The following RNF157 variants were observed in gnomAD, a reference collection of about 807,000 sequenced individuals.
The protein encoded by RNF157 is ring finger protein 157, also known as E3 ubiquitin ligase RNF157.
Under a neutral mutation model 88.3 loss-of-function variants are expected in RNF157, and 55 were observed. The ratio of observed to expected loss-of-function variants is 0.62; its 90% CI spans 0.50 to 0.78. The LOEUF is 0.78. RNF157 is among the 30% of genes least tolerant of loss of function. The pLI is 0.00. For synonymous variants in RNF157, 334 were observed against 341.2 expected, an observed-to-expected ratio of 0.98 and a Z score of 0.23; for missense variants, 788 against 860.8, an observed-to-expected ratio of 0.92 and a Z score of 1.06.
chr17:76,167,601 C>A, intron 4 of RNF157, 50 bp downstream of exon 4: 1 of 1,611,128 alleles, frequency 6.2e-7, no homozygotes, highest in East Asian at 2.2e-5. Context: ...TCTTCCGTGG[C>A]CTGGTAATAA....
chr17:76,231,799 T>C (rs141458290), intron 1 of RNF157, among the ~76,000 whole-genome samples: 50 of 152,296 alleles, frequency 3.3e-4, no homozygotes, highest in East Asian at 2.9e-3. Context: ...ATAAAATTCA[T>C]CCATTGAACA....
At position 76,159,560 on chromosome 17, in the gene RNF157, A is replaced by G; in HGVS notation, c.1079T>C (p.Ile360Thr). ...DSEEHPSSEN[I>T]PPGYEVVSLL... ...AGATACTACTTCATAGCCTGGTGGAATATTCTCTGAGGACTAGGGGAATCA... is the reference window on the plus strand; with the variant it reads ...AGATACTACTTCATAGCCTGGTGGAGTATTCTCTGAGGACTAGGGGAATCA... Residue 360 changes from isoleucine to threonine, a missense_variant, in exon 12 of 19, where the codon ATT (isoleucine) becomes ACT (threonine). By Grantham distance (89) the Ile-to-Thr change is moderately conservative. Transcript: ENST00000269391. 1.9e-6 allele frequency: 3 copies of G among 1,596,958 alleles called. No homozygotes were observed. The highest frequency in any genetic ancestry group is 2.6e-6 in the Non-Finnish European group (3 of 1,175,208).
At chr17:76,220,121 T>G (rs1209845048) in intron 1 of RNF157, among the ~76,000 whole-genome samples, 1 of 152,084 alleles carries the variant, frequency 6.6e-6, no homozygotes, top group African/African-American at 2.4e-5. Context: ...CCTGTAAGTC[T>G]GCAAAAGTCA....
intron 18 of RNF157, chr17:76,147,112 A>G (rs1298652086): frequency 1.0e-6 from 1 of 985,198 alleles, no homozygotes; most frequent in Non-Finnish European, 1.2e-6. Flanking sequence ...GGAGCCTGGG[A>G]CATGAGTCAA....
chr17:76,197,233 C>A (rs151200200), intron 2 of RNF157, among the ~76,000 whole-genome samples: 1 of 152,062 alleles, frequency 6.6e-6, no homozygotes, highest in Non-Finnish European at 1.5e-5. Context: ...AATATCCAGG[C>A]GATTTTGATG....
In RNF157 at chr17:76,185,475, C is replaced by CTTTTTTTTTTTT. The variant is rs71161271; in HGVS notation, c.208-11697_208-11686dup. Among the ~76,000 whole-genome samples the CTTTTTTTTTTTT allele has an allele frequency of 5.7e-4, 81 of 141,892 alleles. 2 individuals carry two copies. Among genetic ancestry groups the CTTTTTTTTTTTT allele is most frequent in the South Asian group, 8.8e-4 (4 of 4,550 alleles). The allele number at this position is 141,892 out of a possible 152,430, so 93.1% of individuals were successfully genotyped here. Reference sequence around the variant, plus strand: ...ACTAGTGGTCAGAGATTAGTCCTTTCTTTTTTTTTTTTGAGACGGAGTCTC... The same window carrying CTTTTTTTTTTTT: ...ACTAGTGGTCAGAGATTAGTCCTTTCTTTTTTTTTTTTTTTTTTTTTTTTGAGACGGAGTCTC... On this transcript the variant is annotated intron_variant, in intron 2 of 18. Coordinates refer to ENST00000269391, the MANE Select transcript of RNF157 (RefSeq NM_052916.3).
chr17:76,212,594 G>T, intron 1 of RNF157, 112 bp from the exon 2 acceptor site: 1 of 663,086 alleles, frequency 1.5e-6, no homozygotes, highest in Non-Finnish European at 2.6e-6. Context: ...GTGCGTGGTG[G>T]CTCACACCTG....
intron 2 of RNF157, among the ~76,000 whole-genome samples, chr17:76,185,144 T>G (rs758004042): frequency 6.6e-6 from 1 of 152,176 alleles, no homozygotes; most frequent in Non-Finnish European, 1.5e-5. Context: ...CTGGGCAACA[T>G]GCTCAGTCCC....
intron 2 of RNF157, among the ~76,000 whole-genome samples, chr17:76,203,452 CTTTTTTTT>C (rs35848509): frequency 1.4e-5 from 2 of 138,510 alleles, no homozygotes; most frequent in Non-Finnish European, 3.2e-5. Context: ...AAAGTAAAAA[CTTTTTTTT>C]TTTTTTTTTG....
intron 4 of RNF157, 84 bp from the exon 5 acceptor site, chr17:76,167,210 C>T: frequency 2.2e-6 from 2 of 927,732 alleles, no homozygotes; most frequent in Non-Finnish European, 3.4e-6. Flanking sequence ...TGCCTGTTCT[C>T]AATTATCAAC....
chr17:76,228,742 G>A (rs1040962268), intron 1 of RNF157, among the ~76,000 whole-genome samples: 1 of 152,068 alleles, frequency 6.6e-6, no homozygotes, highest in Non-Finnish European at 1.5e-5. Flanking sequence ...GGCCAACATG[G>A]TGAAACCCCC....
chr17:76,226,144 G>A (rs1263065701), intron 1 of RNF157: 1 of 1,603,616 alleles, frequency 6.2e-7, no homozygotes, highest in Non-Finnish European at 8.5e-7. Context: ...GGCTCATACA[G>A]ATGCCACTAT....
In RNF157 at chr17:76,159,336, T is replaced by C; in HGVS notation, c.1303A>G (p.Lys435Glu). 6.2e-7 allele frequency: 1 copy of C among 1,612,772 alleles called. No individual in the cohort carries two copies. Among genetic ancestry groups the C allele is most frequent in the Non-Finnish European group, 8.5e-7 (1 of 1,179,048 alleles). Residue 435 changes from lysine (K) to glutamate (E), a missense_variant and splice_region_variant, in exon 12 of 19, where the codon AAA becomes GAA. Transcript: ENST00000269391. ...QGLKLKKSLS[K>E]STSQNSSVLH... is the part of the protein sequence containing the mutation. ...CAGTGTGGAGCACTGGCTACTCACT[T>C]GGAGAGACTCTTTTTGAGTTTGAGT...
At chr17:76,232,007 G>C (rs188267913) in intron 1 of RNF157, among the ~76,000 whole-genome samples, 1 of 152,218 alleles carries the variant, frequency 6.6e-6, no homozygotes, top group African/African-American at 2.4e-5. Flanking sequence ...ATATAGTCTT[G>C]CATCTAGTTT....
intron 1 of RNF157, among the ~76,000 whole-genome samples, chr17:76,216,468 T>C (rs867798550): frequency 3.9e-5 from 6 of 152,168 alleles, no homozygotes; most frequent in Non-Finnish European, 7.4e-5. Context: ...AAGAATAGTC[T>C]GGGTGTGGTG....
chr17:76,157,140 G>C lies in RNF157; in HGVS notation c.1414-819C>G, dbSNP rs372744205. On this transcript the variant is annotated intron_variant, in intron 13 of 18. Transcript: ENST00000269391. This position sits in a 1 kb window ranked among gnomAD's most constrained non-coding sequence, Gnocchi z 5.6. ...TGCCACCACACCTGGCTAATTTTTT[G>C]TATTTTTAGTAGAGACGGGGTTTCA... Among the ~76,000 whole-genome samples, 599 of 152,142 alleles carry C rather than the reference G, an allele frequency of 3.9e-3. 1 individual carries two copies. Among genetic ancestry groups the C allele is most frequent in the African/African-American group, 0.013 (534 of 41,496 alleles).
chr17:76,226,430 A>AG (rs1397076890), intron 1 of RNF157: 9 of 1,596,870 alleles, frequency 5.6e-6, no homozygotes, highest in Middle Eastern at 1.7e-4. Context: ...CTCCTGGACT[A>AG]GGGGGGCAAA....
At chr17:76,217,933 G>A (rs895881302) in intron 1 of RNF157, among the ~76,000 whole-genome samples, 4 of 152,044 alleles carry the variant, frequency 2.6e-5, no homozygotes, top group African/African-American at 9.7e-5. Flanking sequence ...AAGGAGAAAG[G>A]GGAAATTAAT....
intron 2 of RNF157, among the ~76,000 whole-genome samples, chr17:76,177,536 G>A (rs1398535335): frequency 6.6e-6 from 1 of 151,834 alleles, no homozygotes; most frequent in African/African-American, 2.4e-5. Context: ...AAGGGGGAGA[G>A]GCGAGGGGGT....
Sources: allele counts gnomAD v4.1 joint callset (sites outside exome capture counted in the v4.1 genomes callset), GRCh38; gene constraint gnomAD v4.1.1; non-coding constraint Gnocchi (gnomAD v3.1); transcripts MANE v1.5; gene names NCBI Gene and HGNC (gene_info 2026-07-23, HGNC 2026-07-21).